SLC19A1: variants seen among roughly 807,000 people sequenced by gnomAD.
SLC19A1 encodes the protein reduced folate transporter.
In SLC19A1, 37 loss-of-function variants were observed where a neutral mutation model predicts 35.3. The observed-to-expected ratio is 1.05, with a 90% CI of 0.81 to 1.38. SLC19A1 has a LOEUF of 1.38. Among genes scored for constraint, SLC19A1 ranks in the 40% most tolerant of loss-of-function variants. SLC19A1 has a pLI of 0.00. For synonymous variants in SLC19A1, 460 were observed against 398.5 expected (o/e 1.15, Z -1.84); for missense variants, 831 against 826.9 (o/e 1.00, Z -0.06).
At chr21:45,537,075 G>A (rs539175300) in intron 2 of SLC19A1, among the ~76,000 whole-genome samples, 2 of 152,124 alleles carry the variant, frequency 1.3e-5, no homozygotes, top group African/African-American at 4.8e-5. Flanking sequence ...ATCTCTTTAG[G>A]TAAATAGCCA....
At chr21:45,506,082 G>T (rs1333061507) in intron 3 of SLC19A1, 2 of 1,515,250 alleles carry the variant, frequency 1.3e-6, no homozygotes, top group East Asian at 2.3e-5. Context: ...GTGGCAGCCA[G>T]CGCTTCTTAA....
At chr21:45,522,188 T>C (rs1568979736) in intron 5 of SLC19A1, among the ~76,000 whole-genome samples, 2 of 152,014 alleles carry the variant, frequency 1.3e-5, no homozygotes, top group Admixed American at 6.5e-5. Flanking sequence ...ATTTTGCAAA[T>C]GGAAAATAAG....
chr21:45,560,518 G>A (rs1220469972), intron 1 of SLC19A1, among the ~76,000 whole-genome samples: 1 of 152,254 alleles, frequency 6.6e-6, no homozygotes, highest in East Asian at 1.9e-4. Context: ...ATGTGGGAAT[G>A]GGATGTGGCA....
Position 45,515,274 on chromosome 21 carries a change from A to C in SLC19A1, c.*384T>G. 1 of 1,487,554 alleles carries C rather than the reference A, an allele frequency of 6.7e-7. No homozygotes were observed. Among genetic ancestry groups the C allele is most frequent in the Non-Finnish European group, 8.8e-7 (1 of 1,132,650 alleles). The allele number at this position is 1,487,554 out of a possible 1,614,324, so 92.1% of individuals were successfully genotyped here. On this transcript the variant is annotated 3_prime_UTR_variant, in exon 6 of 6. Coordinates refer to ENST00000311124, the MANE Select transcript of SLC19A1 (RefSeq NM_194255.4). ...GCTCCCACCCTGCCCTAGAGGGCTC[A>C]CAACTCCTGTGGGGCCAGTGTCCCC...
chr21:45,515,996 C>A lies in SLC19A1; in HGVS notation c.1438G>T (p.Ala480Ser). 1 of 1,567,286 alleles carries A rather than the reference C, an allele frequency of 6.4e-7. No homozygotes were observed. Among genetic ancestry groups the A allele is most frequent in the Non-Finnish European group, 8.6e-7 (1 of 1,157,064 alleles). ...TCCTGCACGCTCAGTGCCTGTGCTG[C>A]CTTCTCCTCCGCGGCACTCCTCAGG... The part of the protein sequence containing the change: ...QGLRSAAEEK[A>S]AQALSVQDKG... Residue 480 changes from alanine to serine, a missense_variant, in exon 6 of 6, where the codon GCA becomes TCA. Physicochemically the swap from Ala to Ser is moderately conservative, Grantham distance 99. Coordinates refer to ENST00000311124, the MANE Select transcript of SLC19A1 (RefSeq NM_194255.4).
At chr21:45,554,592 G>A (rs1243576356) in intron 1 of SLC19A1, among the ~76,000 whole-genome samples, 3 of 140,116 alleles carry the variant, frequency 2.1e-5, no homozygotes, top group Non-Finnish European at 4.6e-5. Context: ...CCTGGCCAGG[G>A]GCACTCAGCA....
intron 2 of SLC19A1, among the ~76,000 whole-genome samples, chr21:45,532,415 C>T (rs2077964920): frequency 6.6e-6 from 1 of 152,232 alleles, no homozygotes; most frequent in Admixed American, 6.5e-5. Context: ...ATTAACAAGC[C>T]TGTTCATCTA....
intron 1 of SLC19A1, 113 bp downstream of exon 1, chr21:45,542,255 C>T (rs1020323207): frequency 6.8e-6 from 1 of 146,870 alleles, no homozygotes; most frequent in African/African-American, 2.6e-5. Flanking sequence ...AGCCCCCACA[C>T]TCACCTCACA....
intron 1 of SLC19A1, among the ~76,000 whole-genome samples, chr21:45,538,393 G>A (rs534631108): frequency 1.1e-4 from 17 of 152,344 alleles, no homozygotes; most frequent in South Asian, 4.1e-4. Flanking sequence ...TACCTGTGGC[G>A]GTCAGGGGGC....
At chr21:45,529,763 G>A (rs4819129) in intron 4 of SLC19A1, among the ~76,000 whole-genome samples, 77,806 of 151,328 alleles carry the variant, frequency 0.51, 20,738 homozygotes, top group South Asian at 0.6. Flanking sequence ...GTGTAAGCAT[G>A]TGGTGTGTTC....
intron 1 of SLC19A1, among the ~76,000 whole-genome samples, chr21:45,556,627 C>G (rs967762801): frequency 6.6e-6 from 1 of 152,250 alleles, no homozygotes; most frequent in Admixed American, 6.5e-5. Context: ...CAGTGACACA[C>G]CTGTCTGCAG....
At chr21:45,545,203 C>T (rs1019522442), upstream of SLC19A1, among the ~76,000 whole-genome samples, 16 of 152,164 alleles carry the variant, frequency 1.1e-4, no homozygotes, top group African/African-American at 2.9e-4. Flanking sequence ...CTGTCCCCTC[C>T]AAATCTCATG....
intron 1 of SLC19A1, among the ~76,000 whole-genome samples, chr21:45,554,848 G>A (rs912858350): frequency 1.3e-5 from 2 of 151,814 alleles, no homozygotes; most frequent in African/African-American, 4.8e-5. Context: ...GCTTTTAACT[G>A]TCCAGATTCA....
chr21:45,505,093 G>A, intron 3 of SLC19A1: 2 of 1,596,924 alleles, frequency 1.3e-6, no homozygotes, highest in Non-Finnish European at 1.7e-6. Flanking sequence ...CCAGTCCAGG[G>A]CACGAGGTAA....
chr21:45,519,120 G>A (rs2330181), intron 5 of SLC19A1, among the ~76,000 whole-genome samples: 1,743 of 144,214 alleles, frequency 0.012, 31 homozygotes, highest in African/African-American at 0.043. Context: ...TAAAGGCAAC[G>A]TTTTTATACT....
At chr21:45,507,907 T>G (rs1444335372), downstream of SLC19A1, among the ~76,000 whole-genome samples, 1 of 152,200 alleles carries the variant, frequency 6.6e-6, no homozygotes, top group East Asian at 1.9e-4. Context: ...CCACATCTTG[T>G]GTCTTTGCCT....
At chr21:45,504,176 G>C in intron 3 of SLC19A1, 1 of 1,188,976 alleles carries the variant, frequency 8.4e-7, no homozygotes, top group Non-Finnish European at 1.2e-6. Flanking sequence ...TGCGAGGGGC[G>C]CTGGCTCCAG....
At chr21:45,551,357 T>C (rs2078465069) in intron 1 of SLC19A1, among the ~76,000 whole-genome samples, 1 of 152,226 alleles carries the variant, frequency 6.6e-6, no homozygotes. Flanking sequence ...TCCTTTCCTG[T>C]TCTAGTTTCT....
At chr21:45,552,652 A>G (rs1254473610) in intron 1 of SLC19A1, among the ~76,000 whole-genome samples, 1 of 151,516 alleles carries the variant, frequency 6.6e-6, no homozygotes, top group Non-Finnish European at 1.5e-5. Flanking sequence ...CCCCAGCCCC[A>G]GCAGAGAGGG....
Sources: allele counts gnomAD v4.1 joint callset (sites outside exome capture counted in the v4.1 genomes callset), GRCh38; gene constraint gnomAD v4.1.1; transcripts MANE v1.5; gene names NCBI Gene and HGNC (gene_info 2026-07-23, HGNC 2026-07-21).